FHIT: variants seen among roughly 807,000 people sequenced by gnomAD.
FHIT encodes the protein fragile histidine triad diadenosine triphosphatase, also known as bis(5'-adenosyl)-triphosphatase.
FHIT carries 19 observed loss-of-function variants against 17.9 expected under a neutral mutation model. That is an observed-to-expected ratio of 1.06 (90% CI 0.74 to 1.56). FHIT has a LOEUF of 1.56. Among genes scored for constraint, FHIT ranks in the 40% most tolerant of loss-of-function variants. FHIT has a pLI of 0.00. For missense variants in FHIT, 248 were observed against 189.2 expected (o/e 1.31, Z -1.82); for synonymous variants, 81 against 69.7 (o/e 1.16, Z -0.81).
chr3:60,361,086 A>G (rs1699887766), intron 5 of FHIT, among the ~76,000 whole-genome samples: 1 of 152,186 alleles, frequency 6.6e-6, no homozygotes, highest in Non-Finnish European at 1.5e-5. Context: ...CTACTCAGTG[A>G]TATATTCATC....
chr3:60,281,977 A>C (rs1707480711), intron 5 of FHIT, among the ~76,000 whole-genome samples: 1 of 152,196 alleles, frequency 6.6e-6, no homozygotes, highest in Non-Finnish European at 1.5e-5. Context: ...ACCTATTAGG[A>C]TAGCTAAATC....
chr3:59,827,482 C>A (rs1264592507), intron 8 of FHIT, among the ~76,000 whole-genome samples: 1 of 152,140 alleles, frequency 6.6e-6, no homozygotes, highest in Non-Finnish European at 1.5e-5. Flanking sequence ...TGCTGGGTGA[C>A]AATGAAATAT....
At chr3:60,490,488 A>G (rs2034018630) in intron 5 of FHIT, among the ~76,000 whole-genome samples, 1 of 152,064 alleles carries the variant, frequency 6.6e-6, no homozygotes, top group Non-Finnish European at 1.5e-5. Context: ...CAAAAGTGAG[A>G]AGGCTTAAAT....
At chr3:59,942,358 A>G (rs1706565748) in intron 7 of FHIT, among the ~76,000 whole-genome samples, 1 of 152,116 alleles carries the variant, frequency 6.6e-6, no homozygotes, top group Non-Finnish European at 1.5e-5. Context: ...TCCTGTAGTC[A>G]GATGTGATGC....
At chr3:60,874,906 CCTTGGAAACGTTTACTTAAT>C (rs1468739177) in intron 3 of FHIT, among the ~76,000 whole-genome samples, 4 of 152,020 alleles carry the variant, frequency 2.6e-5, no homozygotes, top group African/African-American at 9.7e-5. Flanking sequence ...GGACGTGTGA[CCTTGGAAACGTTTACTTAAT>C]CATGTCTTTT....
chr3:60,364,410 C>T (rs1018708454), intron 5 of FHIT, among the ~76,000 whole-genome samples: 4 of 152,240 alleles, frequency 2.6e-5, no homozygotes, highest in African/African-American at 9.6e-5. Context: ...TCTGTAAGCA[C>T]CTACAACTTA....
At chr3:60,874,692 G>T (rs755834046) in intron 3 of FHIT, among the ~76,000 whole-genome samples, 8 of 152,082 alleles carry the variant, frequency 5.3e-5, no homozygotes, top group Non-Finnish European at 8.8e-5. Context: ...CAAGAGTTGC[G>T]ATCCTAGACC....
intron 4 of FHIT, among the ~76,000 whole-genome samples, chr3:60,788,402 C>T (rs1293574227): frequency 6.6e-6 from 1 of 152,096 alleles, no homozygotes; most frequent in African/African-American, 2.4e-5. Flanking sequence ...AGACTTTATA[C>T]AACAATTTCC....
intron 5 of FHIT, among the ~76,000 whole-genome samples, chr3:60,199,972 G>A (rs540975041): frequency 1.3e-4 from 20 of 152,154 alleles, no homozygotes; most frequent in Middle Eastern, 3.4e-3. Context: ...GTTGTACTAG[G>A]GTTTTTATTC....
intron 5 of FHIT, among the ~76,000 whole-genome samples, chr3:60,291,757 A>G (rs989342924): frequency 1.3e-5 from 2 of 152,142 alleles, no homozygotes; most frequent in Non-Finnish European, 2.9e-5. Context: ...AATGACTGGT[A>G]TCTTTATGAG....
At chr3:60,356,291 A>AG (rs1228623103) in intron 5 of FHIT, among the ~76,000 whole-genome samples, 2 of 152,228 alleles carry the variant, frequency 1.3e-5, no homozygotes, top group African/African-American at 4.8e-5. Flanking sequence ...ATTGTAGAAC[A>AG]GATTGAGTTC....
At chr3:60,351,565 C>T (rs1376058141) in intron 5 of FHIT, among the ~76,000 whole-genome samples, 3 of 152,152 alleles carry the variant, frequency 2.0e-5, no homozygotes, top group Non-Finnish European at 2.9e-5. Flanking sequence ...TAAGTTGCAT[C>T]ATAAAAATTT....
At chr3:61,210,469 T>A (rs1422023337) in intron 1 of FHIT, among the ~76,000 whole-genome samples, 1 of 152,254 alleles carries the variant, frequency 6.6e-6, no homozygotes, top group African/African-American at 2.4e-5. Context: ...GCGAGCTTCC[T>A]GGTCTCTTTG....
chr3:60,015,767 G>C (rs565238849), intron 5 of FHIT, among the ~76,000 whole-genome samples: 19 of 152,116 alleles, frequency 1.2e-4, no homozygotes, highest in Non-Finnish European at 2.4e-4. Flanking sequence ...TTCAACAATG[G>C]CTTACTGTGA....
intron 7 of FHIT, among the ~76,000 whole-genome samples, chr3:59,932,881 C>G (rs1706045253): frequency 6.6e-6 from 1 of 152,096 alleles, no homozygotes; most frequent in South Asian, 2.1e-4. Flanking sequence ...AGTCTTCCCT[C>G]CCATTCTCCT....
chr3:60,227,862 A>T (rs1302751737), intron 5 of FHIT, among the ~76,000 whole-genome samples: 1 of 152,162 alleles, frequency 6.6e-6, no homozygotes. Flanking sequence ...TTTGGGGTTA[A>T]TTATTGTTTT....
intron 2 of FHIT, among the ~76,000 whole-genome samples, chr3:61,161,904 G>C (rs1386374716): frequency 6.6e-6 from 1 of 152,164 alleles, no homozygotes; most frequent in Non-Finnish European, 1.5e-5. Context: ...ATACGACCCT[G>C]ATATGGAAAA....
At chr3:60,796,967 A>G (rs1344483600) in intron 4 of FHIT, among the ~76,000 whole-genome samples, 2 of 152,044 alleles carry the variant, frequency 1.3e-5, no homozygotes, top group Non-Finnish European at 2.9e-5. Flanking sequence ...ATTTCCTGCA[A>G]TTTCTTCATA....
intron 5 of FHIT, among the ~76,000 whole-genome samples, chr3:60,209,527 C>T (rs1015641906): frequency 2.0e-5 from 3 of 152,114 alleles, no homozygotes; most frequent in African/African-American, 4.8e-5. Context: ...CACCCATCTT[C>T]CAGAGCCAAG....
Sources: gnomAD v4.1 joint callset for allele counts (sites outside exome capture counted in the v4.1 genomes callset) on GRCh38, gnomAD v4.1.1 for gene constraint, MANE v1.5 for transcripts, NCBI Gene and HGNC (gene_info 2026-07-23, HGNC 2026-07-21) for gene names.